LPP: variants seen among roughly 807,000 people sequenced by gnomAD.
The protein encoded by LPP is LIM domain containing preferred translocation partner in lipoma.
A neutral mutation model predicts 60.4 loss-of-function variants in LPP; 38 were observed. The observed-to-expected ratio is 0.63, with a 90% CI of 0.49 to 0.83. The LOEUF (loss-of-function observed/expected upper bound fraction) is 0.83. Ranked by LOEUF, LPP falls within the 40% of genes least tolerant of loss-of-function variation. The pLI is 0.00. For synonymous variants in LPP, 328 were observed against 290.8 expected (o/e 1.13, Z -1.30); for missense variants, 902 against 783.6 (o/e 1.15, Z -1.80).
chr3:188,648,228 A>C (rs1320592443), intron 7 of LPP, among the ~76,000 whole-genome samples: 2 of 152,158 alleles, frequency 1.3e-5, no homozygotes, highest in South Asian at 4.1e-4. Context: ...ACGAGCCATC[A>C]TGTGATTCTA....
intron 2 of LPP, among the ~76,000 whole-genome samples, chr3:188,266,457 G>T (rs1735582751): frequency 6.6e-6 from 1 of 151,860 alleles, no homozygotes; most frequent in Non-Finnish European, 1.5e-5. Flanking sequence ...AAAAGTGGCT[G>T]GGGAGAAGAT....
At chr3:188,269,644 TATG>T (rs1335024510) in intron 2 of LPP, among the ~76,000 whole-genome samples, 12 of 31,354 alleles carry the variant, frequency 3.8e-4, no homozygotes, top group South Asian at 9.0e-4. Context: ...CCTTTTTTTT[TATG>T]TGTGTGTGTG....
At chr3:188,667,749 A>G (rs1276934773) in intron 7 of LPP, among the ~76,000 whole-genome samples, 5 of 149,178 alleles carry the variant, frequency 3.4e-5, no homozygotes, top group African/African-American at 1.2e-4. Flanking sequence ...GATTTAGTCC[A>G]CTGTGTTAAC....
At chr3:188,503,363 G>A (rs1447090439) in intron 5 of LPP, among the ~76,000 whole-genome samples, 1 of 151,958 alleles carries the variant, frequency 6.6e-6, no homozygotes, top group Non-Finnish European at 1.5e-5. Context: ...ACAAAATTGG[G>A]CTTACCAATC....
rs189613839 is a variant in LPP, at chr3:188,347,813, C to T, written c.-10+6094C>T. ...GGCAGGTCAGAGATGGAAGACGCCT[C>T]GGAGTTTCTCAATGGCAGTACCTTC... On this transcript the variant is annotated intron_variant, in intron 3 of 11. Transcript: ENST00000617246. 1.4e-4 allele frequency among the ~76,000 whole-genome samples: 21 copies of T among 152,236 alleles called. No homozygotes were observed. In the East Asian group the frequency reaches 2.9e-3, roughly 21 times the overall value.
At chr3:188,616,124 G>A (rs1440067836) in intron 7 of LPP, among the ~76,000 whole-genome samples, 1 of 152,096 alleles carries the variant, frequency 6.6e-6, no homozygotes, top group Non-Finnish European at 1.5e-5. Context: ...TGTTGCAATT[G>A]CTTTTGGCGT....
chr3:188,407,285 T>C (rs931145938), intron 4 of LPP, among the ~76,000 whole-genome samples: 2 of 152,236 alleles, frequency 1.3e-5, no homozygotes, highest in African/African-American at 2.4e-5. Flanking sequence ...TGTTTCACAC[T>C]CTGTGATATA....
At chr3:188,427,693 G>C (rs955638414) in intron 4 of LPP, among the ~76,000 whole-genome samples, 9 of 152,062 alleles carry the variant, frequency 5.9e-5, no homozygotes, top group Non-Finnish European at 1.2e-4. Flanking sequence ...TAACTTCCTG[G>C]GGGCTTTGTT....
At position 188,874,459 on chromosome 3, in the gene LPP, A is replaced by G; in HGVS notation, c.1819A>G (p.Lys607Glu). 3 of 1,614,212 alleles carry G rather than the reference A, an allele frequency of 1.9e-6. No individual in the cohort carries two copies. The highest frequency in any genetic ancestry group is 1.7e-6 in the Non-Finnish European group (2 of 1,180,012). ...NSARIRVLTA[K>E]ASTDL ...TGCCCGCATCAGGGTGTTGACCGCC[A>G]AGGCGAGCACTGACCTTTAGATTCA... Residue 607 changes from lysine to glutamate, a missense_variant, in exon 12 of 12, where the codon AAG becomes GAG. By Grantham distance (56) the Lys-to-Glu change is moderately conservative (BLOSUM62 1). Coordinates refer to ENST00000617246, the MANE Select transcript of LPP (RefSeq NM_001375462.1).
chr3:188,382,542 T>C (rs573924623), intron 3 of LPP, among the ~76,000 whole-genome samples: 2 of 152,332 alleles, frequency 1.3e-5, no homozygotes, highest in South Asian at 4.1e-4. Flanking sequence ...GAATACTTTT[T>C]TCTACATTTA....
At chr3:188,754,186 G>A (rs2150372921) in intron 8 of LPP, among the ~76,000 whole-genome samples, 1 of 152,284 alleles carries the variant, frequency 6.6e-6, no homozygotes, top group East Asian at 1.9e-4. Context: ...CAACCCAAAA[G>A]AAGCCTGTTC....
Position 188,309,665 on chromosome 3 carries a change from C to T in LPP, c.-66-31998C>T, listed in dbSNP as rs184989786. On this transcript the variant is annotated intron_variant, in intron 2 of 11. Coordinates refer to ENST00000617246, the MANE Select transcript of LPP (RefSeq NM_001375462.1). The stretch of plus-strand genomic sequence containing the variant: ...CCTTCATAGTTGAGATTGTATAATT[C>T]GATAAAATAGGTTTAAATAGCCTTA... Among the ~76,000 whole-genome samples the T allele has an allele frequency of 4.1e-4, 62 of 151,828 alleles. 2 individuals carry two copies. Among genetic ancestry groups the T allele is most frequent in the Admixed American group, 3.4e-3 (52 of 15,270 alleles).
rs561564653 is a variant in LPP, at chr3:188,599,811, T to C, written c.430-9350T>C. On this transcript the variant is annotated intron_variant, in intron 6 of 11. Coordinates refer to ENST00000617246, the MANE Select transcript of LPP (RefSeq NM_001375462.1). ...GTGTGGTGTGTGCTTTATGTGTTCA[T>C]TGAGGACTAAAAATTAGTATTAGTA... is the stretch of plus-strand genomic sequence containing the variant. Among the ~76,000 whole-genome samples the C allele has an allele frequency of 1.4e-3, 210 of 146,146 alleles. 1 individual carries two copies. The highest frequency in any genetic ancestry group is 2.3e-3 in the Non-Finnish European group (153 of 67,202).
At chr3:188,358,761 G>A (rs938774050) in intron 3 of LPP, among the ~76,000 whole-genome samples, 3 of 152,162 alleles carry the variant, frequency 2.0e-5, no homozygotes, top group African/African-American at 4.8e-5. Flanking sequence ...AGATGCAAGC[G>A]TTCCAAAAGC....
intron 6 of LPP, among the ~76,000 whole-genome samples, chr3:188,528,373 T>TC (rs1412972177): frequency 6.6e-6 from 1 of 151,806 alleles, no homozygotes; most frequent in Non-Finnish European, 1.5e-5. Flanking sequence ...TTCATTTAAA[T>TC]CTTTTTTTTC....
chr3:188,559,346 A>C (rs1371135296), intron 6 of LPP, among the ~76,000 whole-genome samples: 1 of 152,088 alleles, frequency 6.6e-6, no homozygotes, highest in Admixed American at 6.6e-5. Context: ...GTTCTATCAG[A>C]TATATATGTA....
chr3:188,449,884 A>G (rs1232607352), intron 4 of LPP, among the ~76,000 whole-genome samples: 1 of 152,134 alleles, frequency 6.6e-6, no homozygotes, highest in Non-Finnish European at 1.5e-5. Context: ...AGCTCACTGC[A>G]ACCTCTGCCT....
chr3:188,372,706 T>A (rs186999458), intron 3 of LPP, among the ~76,000 whole-genome samples: 7,055 of 151,442 alleles, frequency 0.047, 252 homozygotes, highest in East Asian at 0.2. Context: ...TTTTTTTTTT[T>A]AAATTTTATT....
rs186687626 is a variant in LPP, at chr3:188,413,605, G to A, written c.193+7292G>A. Among the ~76,000 whole-genome samples the A allele has an allele frequency of 6.6e-5, 10 of 152,246 alleles. No individual in the cohort carries two copies. The East Asian group carries it at 1.9e-3, about 29-fold the overall frequency. On this transcript the variant is annotated intron_variant, in intron 4 of 11. Coordinates refer to ENST00000617246, the MANE Select transcript of LPP (RefSeq NM_001375462.1). ...GTTTTAATTTTCAGGTCCTCAGGGG[G>A]ACAAAAGAACAAGCTGTGTATTCAT...
Sources: gnomAD v4.1 joint callset for allele counts (sites outside exome capture counted in the v4.1 genomes callset) on GRCh38, gnomAD v4.1.1 for gene constraint, MANE v1.5 for transcripts, NCBI Gene and HGNC (gene_info 2026-07-23, HGNC 2026-07-21) for gene names.